CA9: variants seen among roughly 807,000 people sequenced by gnomAD.
The protein encoded by CA9 is carbonic anhydrase 9.
CA9 carries 43 observed loss-of-function variants against 51.8 expected under a neutral mutation model. That is an observed-to-expected ratio of 0.83 (90% CI 0.65 to 1.07). CA9 has a LOEUF of 1.07. CA9 is among the 50% of genes least tolerant of loss of function. The probability of loss-of-function intolerance (pLI) is 0.00; values close to 1 mark genes in which losing one functional copy is unlikely to be tolerated. For synonymous variants in CA9, 253 were observed against 244.2 expected (o/e 1.04, Z -0.34); for missense variants, 574 against 581.4 (o/e 0.99, Z 0.13).
intron 1 of CA9, 81 bp from the exon 2 acceptor site, chr9:35,675,457 C>G: frequency 6.6e-7 from 1 of 1,511,534 alleles, no homozygotes; most frequent in East Asian, 2.3e-5. Flanking sequence ...TGTAAGGCAT[C>G]TGCGTTTGTG....
At chr9:35,675,292 C>T in intron 1 of CA9, 1 of 580,270 alleles carries the variant, frequency 1.7e-6, no homozygotes, top group African/African-American at 1.9e-5. Context: ...CAGCGCCTGG[C>T]CTGAAGCAGC....
intron 3 of CA9, 49 bp downstream of exon 3, chr9:35,675,980 A>G (rs1371944051): frequency 1.2e-6 from 2 of 1,601,574 alleles, no homozygotes; most frequent in Non-Finnish European, 1.7e-6. Flanking sequence ...GGGCGCAGGG[A>G]AGGGAACCGT....
chr9:35,675,590 A>T (rs1249419977), intron 2 of CA9, 23 bp downstream of exon 2: 2 of 1,613,820 alleles, frequency 1.2e-6, no homozygotes, highest in Non-Finnish European at 1.7e-6. Context: ...CCCGCTGCAC[A>T]GACCCAATCT....
chr9:35,674,535 G>A, intron 1 of CA9, 173 bp downstream of exon 1: 3 of 605,438 alleles, frequency 5.0e-6, no homozygotes, highest in East Asian at 2.8e-5. Context: ...GGTAGAAAGG[G>A]ACAGATGTGG....
Position 35,675,911 on chromosome 9 carries a change from T to A in CA9, c.584T>A (p.Leu195Gln). Reference sequence around the variant, plus strand: ...CTCCCGCCGCTCCCAGAACTGCGCCTGCGCAACAATGGCCACAGTGGTGAG... The same window carrying A: ...CTCCCGCCGCTCCCAGAACTGCGCCAGCGCAACAATGGCCACAGTGGTGAG... ...FQLPPLPELR[L>Q]RNNGHSVQLT... Residue 195 changes from leucine to glutamine, a missense_variant, in exon 3 of 11, where the codon CTG becomes CAG. Leu to Gln is a moderately radical substitution (Grantham distance 113, BLOSUM62 -2). Coordinates refer to ENST00000378357, the MANE Select transcript of CA9 (RefSeq NM_001216.3). 1 of 1,607,992 alleles carries A rather than the reference T, an allele frequency of 6.2e-7. No individual in the cohort carries two copies. Among genetic ancestry groups the A allele is most frequent in the Non-Finnish European group, 8.5e-7 (1 of 1,178,294 alleles).
intron 1 of CA9, chr9:35,675,161 T>A (rs1164259830): frequency 4.7e-6 from 1 of 212,782 alleles, no homozygotes; most frequent in African/African-American, 2.3e-5. Context: ...GCCCGGCTAA[T>A]TTTTGTATTT....
At chr9:35,676,449 C>G in intron 5 of CA9, 60 bp downstream of exon 5, 1 of 1,380,736 alleles carries the variant, frequency 7.2e-7, no homozygotes, top group Non-Finnish European at 1.0e-6. Context: ...CTCCCGGACT[C>G]TATCGTGGAG....
intron 10 of CA9, 51 bp from the exon 11 acceptor site, chr9:35,680,914 G>C: frequency 6.2e-7 from 1 of 1,611,346 alleles, no homozygotes; most frequent in African/African-American, 1.3e-5. Context: ...ATGCAAATGA[G>C]CTGCTCCTGG....
Position 35,674,184 on chromosome 9 carries a change from G to C in CA9, c.225G>C (p.Glu75Asp). Reference sequence around the variant, plus strand: ...GTGAAGAGGATTCACCCAGAGAGGAGGATCCACCCGGAGAGGAGGATCTAC... The same window carrying C: ...GTGAAGAGGATTCACCCAGAGAGGACGATCCACCCGGAGAGGAGGATCTAC... The part of the protein sequence containing the change: ...LPSEEDSPRE[E>D]DPPGEEDLPG... The change falls in exon 1 of 11, where the codon GAG becomes GAC. Residue 75 changes from glutamate to aspartate, a missense_variant. Physicochemically the swap from Glu to Asp is conservative, Grantham distance 45 (BLOSUM62 2). Transcript: ENST00000378357. The C allele has an allele frequency of 6.8e-6, 11 of 1,614,052 alleles. No homozygotes were observed. Among genetic ancestry groups the C allele is most frequent in the African/African-American group, 1.3e-5 (1 of 75,042 alleles).
rs1824372895 is a variant in CA9, at chr9:35,674,186, A to G, written c.227A>G (p.Asp76Gly). The G allele has an allele frequency of 2.5e-6, 4 of 1,614,020 alleles. No individual in the cohort carries two copies. The East Asian group carries it at 8.9e-5, about 36-fold the overall frequency. ...GAAGAGGATTCACCCAGAGAGGAGG[A>G]TCCACCCGGAGAGGAGGATCTACCT... ...PSEEDSPREEDPPGEEDLPGE... is the reference protein window; with the variant it reads ...PSEEDSPREEGPPGEEDLPGE... The change falls in exon 1 of 11, where the codon GAT becomes GGT. Residue 76 changes from aspartate to glycine, a missense_variant. Coordinates refer to ENST00000378357, the MANE Select transcript of CA9 (RefSeq NM_001216.3).
At position 35,676,272 on chromosome 9, in the gene CA9, T is replaced by A. The variant is rs746315716; in HGVS notation, c.748-25T>A. Reference sequence around the variant, plus strand: ...CGGAGCGGGGCCAGAGACGTGGCCCTCTCCTACCCTCGTGTCCTTTTCAGA... The same window carrying A: ...CGGAGCGGGGCCAGAGACGTGGCCCACTCCTACCCTCGTGTCCTTTTCAGA... On this transcript the variant is annotated intron_variant, in intron 4 of 10. Transcript: ENST00000378357. 3.1e-6 allele frequency: 5 copies of A among 1,613,668 alleles called. No individual in the cohort carries two copies. The Admixed American group carries it at 6.7e-5, about 22-fold the overall frequency.
At chr9:35,679,387 G>T in intron 7 of CA9, 45 bp downstream of exon 7, 1 of 1,579,016 alleles carries the variant, frequency 6.3e-7, no homozygotes, top group South Asian at 1.1e-5. Flanking sequence ...GGGGGAAAGA[G>T]GATGTAAGAT....
In CA9 at chr9:35,674,419, AT is replaced by A. The variant is rs149032230; in HGVS notation, c.403+58del. ...CCAGGAGGTTCATGACTCCCCTCCCATACCCCAGCCTAGGCTCTGTTCACTC... is the reference window on the plus strand; with the variant it reads ...CCAGGAGGTTCATGACTCCCCTCCCAACCCCAGCCTAGGCTCTGTTCACTC... On this transcript the variant is annotated intron_variant, in intron 1 of 10. Coordinates refer to ENST00000378357, the MANE Select transcript of CA9 (RefSeq NM_001216.3). The A allele has an allele frequency of 2.7e-3, 4,046 of 1,513,300 alleles. 8 individuals are homozygous for A. The highest frequency in any genetic ancestry group is 2.8e-3 in the Non-Finnish European group (3,131 of 1,115,164). The allele number at this position is 1,513,300 out of a possible 1,614,324, so 93.7% of individuals were successfully genotyped here.
intron 6 of CA9, among the ~76,000 whole-genome samples, chr9:35,678,120 G>T (rs904069747): frequency 6.6e-6 from 1 of 152,150 alleles, no homozygotes; most frequent in Non-Finnish European, 1.5e-5. Context: ...GCCAAGGCAG[G>T]TGGATCACGA....
Position 35,679,942 on chromosome 9 carries a change from T to A in CA9, c.1154T>A (p.Val385Glu). 1 of 1,614,010 alleles carries A rather than the reference T, an allele frequency of 6.2e-7. No homozygotes were observed. Among genetic ancestry groups the A allele is most frequent in the Non-Finnish European group, 8.5e-7 (1 of 1,179,968 alleles). Residue 385 changes from valine to glutamate, a missense_variant, in exon 8 of 11, where the codon GTG becomes GAG. Physicochemically the swap from Val to Glu is moderately radical, Grantham distance 121. Transcript: ENST00000378357. ...FRATQPLNGR[V>E]IEASFPAGVD... Reference sequence around the variant, plus strand: ...GCGACGCAGCCTTTGAATGGGCGAGTGATTGAGGCCTCCTTCCCTGCTGGA... The same window carrying A: ...GCGACGCAGCCTTTGAATGGGCGAGAGATTGAGGCCTCCTTCCCTGCTGGA...
intron 1 of CA9, chr9:35,674,988 CTT>C (rs551485462): frequency 5.0e-4 from 67 of 132,944 alleles, no homozygotes; most frequent in South Asian, 9.4e-4. Flanking sequence ...TGCCCACTCA[CTT>C]TTTTTTTTTT....
rs757345104 is a variant in CA9 at position 35,680,017 on chromosome 9, TC to T, written c.1210+25del. ...GAGCCAGGTACAGCTTTGTCTGGTTTCCCCCCAGCCAGTAGTCCCTTATCCT... is the reference window on the plus strand; with the variant it reads ...GAGCCAGGTACAGCTTTGTCTGGTTTCCCCCAGCCAGTAGTCCCTTATCCT... On this transcript the variant is annotated intron_variant, in intron 8 of 10. Coordinates refer to ENST00000378357, the MANE Select transcript of CA9 (RefSeq NM_001216.3). 75 of 1,613,904 alleles carry T rather than the reference TC, an allele frequency of 4.6e-5. 1 individual carries two copies. In the Admixed American group the frequency reaches 1.2e-3, roughly 26 times the overall value.
At chr9:35,674,502 A>G (rs1824379896) in intron 1 of CA9, 140 bp downstream of exon 1, 2 of 704,026 alleles carry the variant, frequency 2.8e-6, no homozygotes, top group East Asian at 5.2e-5. Context: ...TCCCATACCA[A>G]TATCCCCATC....
intron 6 of CA9, 77 bp downstream of exon 6, chr9:35,677,933 G>T: frequency 1.6e-6 from 2 of 1,237,454 alleles, no homozygotes. Flanking sequence ...CAGGTCTGAG[G>T]CTGGAGATGG....
Sources: gnomAD v4.1 joint callset for allele counts (sites outside exome capture counted in the v4.1 genomes callset) on GRCh38, gnomAD v4.1.1 for gene constraint, MANE v1.5 for transcripts, NCBI Gene and HGNC (gene_info 2026-07-23, HGNC 2026-07-21) for gene names.